KCTD16: variants seen among roughly 807,000 people sequenced by gnomAD.
KCTD16 encodes the protein potassium channel tetramerization domain containing 16.
In KCTD16, 13 loss-of-function variants were observed where a neutral mutation model predicts 33.2. That is an observed-to-expected ratio of 0.39 (90% CI 0.25 to 0.62). The LOEUF (loss-of-function observed/expected upper bound fraction) is 0.62, where lower values mean the gene tolerates loss of function less well. Ranked by LOEUF, KCTD16 falls within the 20% of genes least tolerant of loss-of-function variation. The probability of loss-of-function intolerance (pLI) is 0.50; values close to 1 mark genes in which losing one functional copy is unlikely to be tolerated. For synonymous variants in KCTD16, 197 were observed against 195.3 expected, an observed-to-expected ratio of 1.01 and a Z score of -0.07; for missense variants, 441 against 525.1, an observed-to-expected ratio of 0.84 and a Z score of 1.57.
intron 3 of KCTD16, among the ~76,000 whole-genome samples, chr5:144,280,731 T>C (rs1350566924): frequency 1.3e-5 from 2 of 152,230 alleles, no homozygotes; most frequent in East Asian, 3.8e-4. Context: ...GAGACCATCC[T>C]GGCTAACATG....
intron 3 of KCTD16, among the ~76,000 whole-genome samples, chr5:144,328,864 T>TTA (rs3996309): frequency 1.6e-5 from 1 of 63,338 alleles, no homozygotes; most frequent in Admixed American, 1.4e-4. Context: ...AGCTTTTTTC[T>TTA]TTTTTTTTTT....
intron 3 of KCTD16, among the ~76,000 whole-genome samples, chr5:144,276,485 T>A (rs1755440485): frequency 6.6e-6 from 1 of 152,264 alleles, no homozygotes; most frequent in South Asian, 2.1e-4. Context: ...GGAATTATTA[T>A]GATGCTAATT....
chr5:144,360,214 G>A (rs184852205), intron 3 of KCTD16, among the ~76,000 whole-genome samples: 15 of 152,052 alleles, frequency 9.9e-5, no homozygotes, highest in Admixed American at 9.8e-4. Flanking sequence ...TCTACATTAG[G>A]TATTTTGGTA....
At chr5:144,175,463 T>C (rs1202390113) in intron 2 of KCTD16, among the ~76,000 whole-genome samples, 1 of 152,222 alleles carries the variant, frequency 6.6e-6, no homozygotes, top group Non-Finnish European at 1.5e-5. Flanking sequence ...AACTAGACAT[T>C]TGATAATTGC....
At chr5:144,274,346 A>G (rs1357718171) in intron 3 of KCTD16, among the ~76,000 whole-genome samples, 1 of 152,116 alleles carries the variant, frequency 6.6e-6, no homozygotes, top group Non-Finnish European at 1.5e-5. Flanking sequence ...AAGGGTTACT[A>G]TAGAGTAGAG....
intron 3 of KCTD16, among the ~76,000 whole-genome samples, chr5:144,412,286 G>A (rs995194931): frequency 1.9e-4 from 29 of 152,224 alleles, no homozygotes; most frequent in Non-Finnish European, 3.5e-4. Flanking sequence ...GCTCATCAGT[G>A]GGTAAATGGA....
chr5:144,227,342 T>G (rs1753964712), intron 3 of KCTD16, among the ~76,000 whole-genome samples: 1 of 152,126 alleles, frequency 6.6e-6, no homozygotes, highest in South Asian at 2.1e-4. Context: ...ATCAAGGTCC[T>G]GAGGTTGGAG....
intron 3 of KCTD16, among the ~76,000 whole-genome samples, chr5:144,437,400 A>G (rs565756211): frequency 6.6e-6 from 1 of 152,310 alleles, no homozygotes; most frequent in Admixed American, 6.5e-5. Flanking sequence ...CCAAAAGCCT[A>G]GTTTCAAATC....
intron 3 of KCTD16, among the ~76,000 whole-genome samples, chr5:144,442,241 G>A (rs1379920404): frequency 3.9e-5 from 6 of 152,076 alleles, no homozygotes; most frequent in African/African-American, 1.2e-4. Flanking sequence ...CAGGGTTTCA[G>A]CTTCTGTTGA....
intron 3 of KCTD16, among the ~76,000 whole-genome samples, chr5:144,382,021 C>CATACATACATACATACATAT (rs1254701243): frequency 7.9e-5 from 12 of 151,712 alleles, no homozygotes; most frequent in African/African-American, 2.9e-4. Flanking sequence ...TGTTTATATA[C>CATACATACATACATACATAT]ATACATACAT....
chr5:144,294,724 T>C (rs922484204), intron 3 of KCTD16, among the ~76,000 whole-genome samples: 45 of 152,312 alleles, frequency 3.0e-4, no homozygotes, highest in African/African-American at 1.1e-3. Flanking sequence ...AGAACTGGGT[T>C]CTAATCATTG....
chr5:144,222,856 G>A (rs959309405), intron 3 of KCTD16, among the ~76,000 whole-genome samples: 1 of 151,972 alleles, frequency 6.6e-6, no homozygotes, highest in African/African-American at 2.4e-5. Context: ...TGTTTACTGC[G>A]GCGCTGTTCA....
chr5:144,239,987 T>A (rs1162987648), intron 3 of KCTD16, among the ~76,000 whole-genome samples: 4 of 152,172 alleles, frequency 2.6e-5, no homozygotes, highest in African/African-American at 9.7e-5. Flanking sequence ...GCTTTGTATA[T>A]GCCAGACATA....
rs548071352 is a variant in KCTD16 at position 144,478,185 on chromosome 5, C to A, written c.*4071C>A. 96 of 151,996 alleles carry A rather than the reference C, an allele frequency of 6.3e-4. 1 individual carries two copies. Among genetic ancestry groups the A allele is most frequent in the African/African-American group, 2.3e-3 (94 of 41,492 alleles). 9.4% of individuals were successfully genotyped at this position (151,996 alleles called of 1,614,324 possible). A position where few individuals can be genotyped will look rare whatever the true frequency, so the allele number is the denominator to read the frequency against. ...AAGAACCAGAGTGAACATTCTGTAT[C>A]CTGAGTTACAATGGAGTTACATGTC... On this transcript the variant is annotated 3_prime_UTR_variant, in exon 4 of 4. Transcript: ENST00000512467.
chr5:144,315,006 T>C (rs561964242), intron 3 of KCTD16, among the ~76,000 whole-genome samples: 2 of 152,332 alleles, frequency 1.3e-5, no homozygotes, highest in South Asian at 4.1e-4. Flanking sequence ...TGTTGGTCTT[T>C]GTGGCTAAGA....
At chr5:144,409,773 T>C (rs946808001) in intron 3 of KCTD16, among the ~76,000 whole-genome samples, 1 of 151,986 alleles carries the variant, frequency 6.6e-6, no homozygotes, top group Non-Finnish European at 1.5e-5. Context: ...GCCGAGATCA[T>C]GCCACTGCAC....
chr5:144,175,982 A>G (rs1335473404), intron 2 of KCTD16, among the ~76,000 whole-genome samples: 1 of 152,188 alleles, frequency 6.6e-6, no homozygotes, highest in African/African-American at 2.4e-5. Context: ...ATTCTGTATT[A>G]TATTATAATT....
intron 3 of KCTD16, among the ~76,000 whole-genome samples, chr5:144,464,040 T>C (rs985356778): frequency 4.6e-5 from 7 of 152,236 alleles, no homozygotes; most frequent in Non-Finnish European, 1.0e-4. Flanking sequence ...CATGTGAAGA[T>C]AGTGTGGTGA....
intron 3 of KCTD16, chr5:144,383,262 G>T (rs1752254002): frequency 6.6e-6 from 1 of 152,158 alleles, no homozygotes; most frequent in Admixed American, 6.5e-5. Context: ...GCAAGTTGAG[G>T]AATTAAACTG....
Sources: allele counts gnomAD v4.1 joint callset (sites outside exome capture counted in the v4.1 genomes callset), GRCh38; gene constraint gnomAD v4.1.1; transcripts MANE v1.5; gene names NCBI Gene and HGNC (gene_info 2026-07-23, HGNC 2026-07-21).